KCND2: variants seen among roughly 807,000 people sequenced by gnomAD.
The protein encoded by KCND2 is potassium voltage-gated channel subfamily D member 2.
A neutral mutation model predicts 54.4 loss-of-function variants in KCND2; 16 were observed. The ratio of observed to expected loss-of-function variants is 0.29; its 90% CI spans 0.20 to 0.45. The LOEUF (loss-of-function observed/expected upper bound fraction) is 0.45, where lower values mean the gene tolerates loss of function less well. Ranked by LOEUF, KCND2 falls within the 20% of genes least tolerant of loss-of-function variation. KCND2 has a pLI of 1.00. For missense variants in KCND2, 486 were observed against 824.2 expected (o/e 0.59, Z 5.02); for synonymous variants, 317 against 310.7 (o/e 1.02, Z -0.21).
At chr7:120,387,180 C>CT (rs1801001473) in intron 1 of KCND2, among the ~76,000 whole-genome samples, 1 of 152,014 alleles carries the variant, frequency 6.6e-6, no homozygotes, top group African/African-American at 2.4e-5. Context: ...ACATGGTAGA[C>CT]TCTCAATAAA....
chr7:120,527,097 C>A (rs147749014), intron 1 of KCND2, among the ~76,000 whole-genome samples: 1 of 152,114 alleles, frequency 6.6e-6, no homozygotes, highest in Non-Finnish European at 1.5e-5. Context: ...GCGGAGGAGT[C>A]ACATCAATAT....
intron 1 of KCND2, among the ~76,000 whole-genome samples, chr7:120,388,132 A>T (rs1445475680): frequency 6.6e-6 from 1 of 152,090 alleles, no homozygotes; most frequent in East Asian, 1.9e-4. Context: ...AGCATCTAGC[A>T]TCTATTTTAG....
intron 1 of KCND2, among the ~76,000 whole-genome samples, chr7:120,436,537 T>C (rs1801868526): frequency 6.6e-6 from 1 of 152,210 alleles, no homozygotes; most frequent in African/African-American, 2.4e-5. Flanking sequence ...CTTGCTAAAC[T>C]TAATTTGTAT....
intron 1 of KCND2, among the ~76,000 whole-genome samples, chr7:120,467,087 T>C (rs997404720): frequency 1.3e-5 from 2 of 152,154 alleles, no homozygotes; most frequent in Non-Finnish European, 2.9e-5. Flanking sequence ...TCAAAGTCAC[T>C]TTTGCCATTT....
At chr7:120,478,858 T>C (rs1802565648) in intron 1 of KCND2, among the ~76,000 whole-genome samples, 2 of 152,090 alleles carry the variant, frequency 1.3e-5, no homozygotes, top group African/African-American at 4.8e-5. Context: ...CCAAGTAAAA[T>C]AGAAGGAAAA....
At chr7:120,441,963 T>C (rs1801951152) in intron 1 of KCND2, among the ~76,000 whole-genome samples, 1 of 152,098 alleles carries the variant, frequency 6.6e-6, no homozygotes, top group African/African-American at 2.4e-5. Context: ...TTTGGTTAAC[T>C]GACATCCAGG....
chr7:120,394,696 C>A (rs1054123768), intron 1 of KCND2, among the ~76,000 whole-genome samples: 1 of 151,878 alleles, frequency 6.6e-6, no homozygotes, highest in East Asian at 1.9e-4. Flanking sequence ...GGTTAGCTAG[C>A]CCTACACCCA....
intron 1 of KCND2, among the ~76,000 whole-genome samples, chr7:120,724,866 T>A (rs531148798): frequency 6.6e-6 from 1 of 152,238 alleles, no homozygotes; most frequent in South Asian, 2.1e-4. Context: ...TTTTATAAAA[T>A]GAGGGAATAA....
chr7:120,380,408 G>A (rs900423089), intron 1 of KCND2, among the ~76,000 whole-genome samples: 1 of 151,902 alleles, frequency 6.6e-6, no homozygotes, highest in Non-Finnish European at 1.5e-5. Context: ...AGAGTGTGTA[G>A]GTGATGAACT....
chr7:120,292,105 A>G (rs1051476450), intron 1 of KCND2, among the ~76,000 whole-genome samples: 2 of 151,926 alleles, frequency 1.3e-5, no homozygotes, highest in Non-Finnish European at 2.9e-5. Context: ...AATGTGCAAC[A>G]CAAAATAATA....
chr7:120,725,599 GTTTCCAAACTT>G (rs1792723678), intron 1 of KCND2, among the ~76,000 whole-genome samples: 1 of 152,130 alleles, frequency 6.6e-6, no homozygotes, highest in African/African-American at 2.4e-5. Flanking sequence ...GACCTGGTTT[GTTTCCAAACTT>G]TCATTTAGGT....
intron 1 of KCND2, among the ~76,000 whole-genome samples, chr7:120,448,660 A>T (rs1219940871): frequency 1.3e-5 from 2 of 152,152 alleles, no homozygotes; most frequent in East Asian, 3.9e-4. Context: ...ATGAACATTG[A>T]TGCAAAAACC....
chr7:120,473,939 G>A lies in KCND2; in HGVS notation c.1115+198192G>A, dbSNP rs147130433. On this transcript the variant is annotated intron_variant, in intron 1 of 5. Coordinates refer to ENST00000331113, the MANE Select transcript of KCND2 (RefSeq NM_012281.3). ...GGAATCAGCAACTTAGGACTTCAGGGTAGTGTTCTTTATCCAGGTAGTTGC... is the reference window on the plus strand; with the variant it reads ...GGAATCAGCAACTTAGGACTTCAGGATAGTGTTCTTTATCCAGGTAGTTGC... 1.2e-3 allele frequency among the ~76,000 whole-genome samples: 182 copies of A among 152,292 alleles called. 1 individual carries two copies. The highest frequency in any genetic ancestry group is 4.2e-3 in the African/African-American group (174 of 41,562).
intron 1 of KCND2, among the ~76,000 whole-genome samples, chr7:120,366,485 T>TTA (rs1282381018): frequency 4.6e-5 from 4 of 87,158 alleles, no homozygotes; most frequent in African/African-American, 9.0e-5. Flanking sequence ...AAGACTCCAT[T>TTA]AAAAAAAAAA....
chr7:120,287,592 C>G (rs1355638900), intron 1 of KCND2, among the ~76,000 whole-genome samples: 2 of 152,084 alleles, frequency 1.3e-5, no homozygotes, highest in Non-Finnish European at 2.9e-5. Flanking sequence ...GATGTGGTGG[C>G]TCACACCTAA....
At chr7:120,513,857 T>C (rs1423940591) in intron 1 of KCND2, among the ~76,000 whole-genome samples, 1 of 152,130 alleles carries the variant, frequency 6.6e-6, no homozygotes, top group African/African-American at 2.4e-5. Context: ...GTCCTACAAA[T>C]TAAAACTACT....
chr7:120,468,277 A>T (rs2116254735), intron 1 of KCND2, among the ~76,000 whole-genome samples: 1 of 152,292 alleles, frequency 6.6e-6, no homozygotes, highest in South Asian at 2.1e-4. Context: ...CTCATTGCAC[A>T]GCCAGGTGAA....
At position 120,335,094 on chromosome 7, in the gene KCND2, A is replaced by G. The variant is rs147215835; in HGVS notation, c.1115+59347A>G. On this transcript the variant is annotated intron_variant, in intron 1 of 5. Coordinates refer to ENST00000331113, the MANE Select transcript of KCND2 (RefSeq NM_012281.3). ...TAAAAAGTAATCCTGGCTGGGCGTG[A>G]TGGCTCACACCTGTAATCCCAGCAC... Among the ~76,000 whole-genome samples, 199 of 152,120 alleles carry G rather than the reference A, an allele frequency of 1.3e-3. 1 individual carries two copies. The highest frequency in any genetic ancestry group is 2.9e-3 in the South Asian group (14 of 4,810).
intron 1 of KCND2, among the ~76,000 whole-genome samples, chr7:120,567,158 C>T (rs145375713): frequency 3.3e-5 from 5 of 152,268 alleles, no homozygotes; most frequent in African/African-American, 1.2e-4. Context: ...TTGAAACTAA[C>T]ACTATTATTT....
Sources: gnomAD v4.1 joint callset for allele counts (sites outside exome capture counted in the v4.1 genomes callset) on GRCh38, gnomAD v4.1.1 for gene constraint, MANE v1.5 for transcripts, NCBI Gene and HGNC (gene_info 2026-07-23, HGNC 2026-07-21) for gene names.